The following MOGAT1 variants were observed in gnomAD, a reference collection of about 807,000 sequenced individuals.
The protein encoded by MOGAT1 is monoacylglycerol O-acyltransferase 1.
A neutral mutation model predicts 31.4 loss-of-function variants in MOGAT1; 32 were observed. That is an observed-to-expected ratio of 1.02 (90% confidence interval 0.77 to 1.37). MOGAT1 has a LOEUF of 1.37. Ranked by LOEUF, MOGAT1 falls within the 40% of genes most tolerant of loss-of-function variation. The probability of loss-of-function intolerance (pLI) is 0.00; values close to 1 mark genes in which losing one functional copy is unlikely to be tolerated. For synonymous variants in MOGAT1, 145 were observed against 144.5 expected, an observed-to-expected ratio of 1.00 and a Z score of -0.03; for missense variants, 426 against 402.0, an observed-to-expected ratio of 1.06 and a Z score of -0.51.
At chr2:222,704,086 A>G (rs1322655198) in intron 5 of MOGAT1, among the ~76,000 whole-genome samples, 2 of 152,188 alleles carry the variant, frequency 1.3e-5, no homozygotes, top group Non-Finnish European at 2.9e-5. Flanking sequence ...AAACATAAAC[A>G]AAAGCTATGA....
intron 5 of MOGAT1, among the ~76,000 whole-genome samples, chr2:222,706,832 A>G (rs1357666698): frequency 2.0e-5 from 3 of 152,234 alleles, no homozygotes; most frequent in Non-Finnish European, 4.4e-5. Context: ...TCCTCAAACA[A>G]CAAAAAAGCT....
Position 222,688,530 on chromosome 2 carries a change from C to T in MOGAT1, c.273+8C>T, listed in dbSNP as rs1174100157. Reference sequence around the variant, plus strand: ...GACTATTTTCCAATTCATGTGAGTACAGTTGTTTTATAAAGTATTATTTTG... The same window carrying T: ...GACTATTTTCCAATTCATGTGAGTATAGTTGTTTTATAAAGTATTATTTTG... On this transcript the variant is annotated splice_region_variant and intron_variant, in intron 2 of 5. Coordinates refer to ENST00000446656, the MANE Select transcript of MOGAT1 (RefSeq NM_058165.3). 1.9e-6 allele frequency: 3 copies of T among 1,585,248 alleles called. No homozygotes were observed. The highest frequency in any genetic ancestry group is 1.7e-6 in the Non-Finnish European group (2 of 1,164,374).
chr2:222,680,864 T>C (rs1449663281), intron 1 of MOGAT1, among the ~76,000 whole-genome samples: 1 of 152,250 alleles, frequency 6.6e-6, no homozygotes, highest in African/African-American at 2.4e-5. Flanking sequence ...CATTATTTAA[T>C]GCAAGTAAAT....
At chr2:222,689,182 T>TA (rs1449831949) in intron 2 of MOGAT1, 83 bp from the exon 3 acceptor site, 1 of 1,231,066 alleles carries the variant, frequency 8.1e-7, no homozygotes, top group Non-Finnish European at 1.1e-6. Context: ...TCTCTTGACA[T>TA]AAAAACTAGT....
chr2:222,681,843 A>T (rs1009602542), intron 1 of MOGAT1, among the ~76,000 whole-genome samples: 1 of 152,186 alleles, frequency 6.6e-6, no homozygotes, highest in African/African-American at 2.4e-5. Flanking sequence ...GGAAAGATGT[A>T]CCTAGCACCC....
At chr2:222,681,001 A>T (rs1473041002) in intron 1 of MOGAT1, among the ~76,000 whole-genome samples, 2 of 152,158 alleles carry the variant, frequency 1.3e-5, no homozygotes, top group African/African-American at 4.8e-5. Context: ...GCGACAAGAG[A>T]GGGAAAATCA....
At position 222,709,900 on chromosome 2, in the gene MOGAT1, A is replaced by G; in HGVS notation, c.*10A>G. On this transcript the variant is annotated 3_prime_UTR_variant, in exon 6 of 6. Transcript: ENST00000446656. ...TCTTGTTTTAAAATGACTTGACTATAAAAAAAAATTAAAAAATAAAAATAA... is the reference window on the plus strand; with the variant it reads ...TCTTGTTTTAAAATGACTTGACTATGAAAAAAAATTAAAAAATAAAAATAA... The G allele has an allele frequency of 6.7e-7, 1 of 1,490,170 alleles. No homozygotes were observed. The highest frequency in any genetic ancestry group is 9.1e-7 in the Non-Finnish European group (1 of 1,103,458). 92.3% of individuals were successfully genotyped at this position (1,490,170 alleles called of 1,614,324 possible).
intron 5 of MOGAT1, among the ~76,000 whole-genome samples, chr2:222,705,555 T>C (rs974525574): frequency 2.0e-5 from 3 of 152,236 alleles, no homozygotes; most frequent in African/African-American, 7.2e-5. Flanking sequence ...TACCTCAATG[T>C]CCTCATTTCT....
rs534289229 is a variant in MOGAT1 at position 222,706,496 on chromosome 2, A to G, written c.854-3240A>G. ...TAAAAAAAAAAAAAAAATTCATTCC[A>G]TATGTGAGCATGCTTAAGCTCTCTG... On this transcript the variant is annotated intron_variant, in intron 5 of 5. Transcript: ENST00000446656. 7.5e-5 allele frequency among the ~76,000 whole-genome samples: 11 copies of G among 147,146 alleles called. No individual in the cohort carries two copies. The South Asian group carries it at 2.2e-3, about 29-fold the overall frequency.
intron 5 of MOGAT1, among the ~76,000 whole-genome samples, 169 bp from the exon 6 acceptor site, chr2:222,709,567 A>T (rs544146070): frequency 1.3e-5 from 2 of 152,330 alleles, no homozygotes; most frequent in African/African-American, 4.8e-5. Context: ...TTGTTATCAG[A>T]TGGAGTGGTG....
intron 1 of MOGAT1, among the ~76,000 whole-genome samples, chr2:222,677,122 AG>A (rs1478809575): frequency 6.6e-6 from 1 of 152,210 alleles, no homozygotes; most frequent in African/African-American, 2.4e-5. Flanking sequence ...GACTGGCCAA[AG>A]GTGGGTACAA....
intron 3 of MOGAT1, among the ~76,000 whole-genome samples, chr2:222,690,917 G>A (rs1692750024): frequency 6.6e-6 from 1 of 152,202 alleles, no homozygotes; most frequent in African/African-American, 2.4e-5. Context: ...AGAGAAAAAT[G>A]TTTAAATTTC....
At chr2:222,671,965 T>C in intron 1 of MOGAT1, 86 bp downstream of exon 1, 2 of 1,098,332 alleles carry the variant, frequency 1.8e-6, no homozygotes, top group Non-Finnish European at 2.7e-6. Flanking sequence ...GCATAGAACC[T>C]TCCAACCCTC....
intron 1 of MOGAT1, among the ~76,000 whole-genome samples, chr2:222,684,426 G>A (rs1028947279): frequency 6.6e-6 from 1 of 151,902 alleles, no homozygotes; most frequent in African/African-American, 2.4e-5. Flanking sequence ...AGAAAGAAAG[G>A]ATTACAAAAC....
At chr2:222,685,810 A>T (rs1053869896) in intron 1 of MOGAT1, among the ~76,000 whole-genome samples, 5 of 152,000 alleles carry the variant, frequency 3.3e-5, no homozygotes, top group African/African-American at 1.2e-4. Flanking sequence ...CATGTTGGCC[A>T]GGCTGGTCTC....
At chr2:222,672,722 G>A (rs1207841428) in intron 1 of MOGAT1, among the ~76,000 whole-genome samples, 1 of 151,876 alleles carries the variant, frequency 6.6e-6, no homozygotes, top group Admixed American at 6.6e-5. Context: ...ACAGCGTTGG[G>A]GTGGTAATAA....
intron 3 of MOGAT1, among the ~76,000 whole-genome samples, 195 bp downstream of exon 3, chr2:222,689,664 GTCT>G (rs200578784): frequency 1.3e-5 from 2 of 152,316 alleles, no homozygotes; most frequent in East Asian, 3.9e-4. Flanking sequence ...CACAAACTGT[GTCT>G]TCTTTTCTGT....
intron 5 of MOGAT1, among the ~76,000 whole-genome samples, chr2:222,706,498 A>G (rs1406705069): frequency 2.1e-5 from 3 of 145,756 alleles, no homozygotes; most frequent in Admixed American, 1.4e-4. Flanking sequence ...TTCATTCCAT[A>G]TGTGAGCATG....
chr2:222,684,214 G>T (rs1399861965), intron 1 of MOGAT1, among the ~76,000 whole-genome samples: 1 of 152,060 alleles, frequency 6.6e-6, no homozygotes, highest in South Asian at 2.1e-4. Flanking sequence ...GACCAGCCTG[G>T]CCATCATGGT....
Sources: allele counts gnomAD v4.1 joint callset (sites outside exome capture counted in the v4.1 genomes callset), GRCh38; gene constraint gnomAD v4.1.1; transcripts MANE v1.5; gene names NCBI Gene and HGNC (gene_info 2026-07-23, HGNC 2026-07-21).